The following CFAP96 variants were observed in gnomAD, a reference collection of about 807,000 sequenced individuals.
The protein encoded by CFAP96 is cilia and flagella associated protein 96, also known as cilia-and flagella-associated protein 96.
At chr4:185,440,925 A>G in the CFAP96 span, among the ~76,000 whole-genome samples, 3 of 135,886 alleles carry the variant, frequency 2.2e-5, no homozygotes, top group African/African-American at 7.9e-5. Flanking sequence ...TGAAGTAATT[A>G]TTAGTCTCTT....
the CFAP96 span, chr4:185,445,659 C>T: frequency 1.7e-6 from 1 of 601,096 alleles, no homozygotes; most frequent in Admixed American, 3.4e-5. Flanking sequence ...GTTTTGCATA[C>T]TCTCAAAACT....
the CFAP96 span, among the ~76,000 whole-genome samples, chr4:185,438,837 G>A: frequency 0.85 from 129,251 of 152,150 alleles, 55,818 homozygotes; most frequent in East Asian, 0.99. Context: ...TAGGTACTCC[G>A]TCCGATGCCC....
At chr4:185,435,992 A>C in the CFAP96 span, 1,703 of 1,370,520 alleles carry the variant, frequency 1.2e-3, 16 homozygotes, top group African/African-American at 0.022. Flanking sequence ...AAATAGACTT[A>C]AACTTTGCCA....
At chr4:185,410,729 GAGGTC>G in the CFAP96 span, among the ~76,000 whole-genome samples, 1 of 150,938 alleles carries the variant, frequency 6.6e-6, no homozygotes, top group Admixed American at 6.6e-5. Context: ...GGCAGATCAC[GAGGTC>G]AGGAGTTTGA....
the CFAP96 span, among the ~76,000 whole-genome samples, chr4:185,435,277 T>C: frequency 1.3e-5 from 2 of 152,228 alleles, no homozygotes; most frequent in African/African-American, 4.8e-5. Context: ...GCAATCGGTG[T>C]TGATGTCTTT....
At chr4:185,408,561 C>G in the CFAP96 span, 1 of 980,418 alleles carries the variant, frequency 1.0e-6, no homozygotes. Context: ...TATAAAAATG[C>G]CTTCACAGAT....
At chr4:185,428,711 A>G in the CFAP96 span, among the ~76,000 whole-genome samples, 2 of 152,232 alleles carry the variant, frequency 1.3e-5, no homozygotes, top group African/African-American at 4.8e-5. Flanking sequence ...CCTGTTAACA[A>G]ATACTCAGAA....
At chr4:185,415,066 T>C in the CFAP96 span, 1 of 1,117,212 alleles carries the variant, frequency 9.0e-7, no homozygotes, top group South Asian at 1.6e-5. Context: ...AATCACAAAA[T>C]ACCTTCCATT....
the CFAP96 span, chr4:185,422,522 TC>T: frequency 6.2e-7 from 1 of 1,611,552 alleles, no homozygotes; most frequent in Non-Finnish European, 8.5e-7. Flanking sequence ...AATCAAGGCC[TC>T]CTCTTATTCT....
the CFAP96 span, chr4:185,445,026 G>A: frequency 6.4e-7 from 1 of 1,551,530 alleles, no homozygotes; most frequent in Non-Finnish European, 8.7e-7. Context: ...ACCCTTATGT[G>A]GCTAAATTGG....
At chr4:185,429,590 A>G in the CFAP96 span, 2 of 808,832 alleles carry the variant, frequency 2.5e-6, no homozygotes, top group South Asian at 3.7e-5. Flanking sequence ...TTTAAGTCAA[A>G]TGATTTTTTA....
At chr4:185,422,807 TG>T in the CFAP96 span, among the ~76,000 whole-genome samples, 1 of 152,210 alleles carries the variant, frequency 6.6e-6, no homozygotes, top group African/African-American at 2.4e-5. Flanking sequence ...TACTGAGGCC[TG>T]GGCTGTACCC....
the CFAP96 span, among the ~76,000 whole-genome samples, chr4:185,443,921 C>CTTTTTTTTTTTTTTTTTTT: frequency 2.4e-5 from 2 of 82,856 alleles, no homozygotes; most frequent in Non-Finnish European, 4.8e-5. Flanking sequence ...CTATATCTTT[C>CTTTTTTTTTTTTTTTTTTT]TTTTTTTTTT....
chr4:185,415,310 G>A, the CFAP96 span: 1 of 1,598,966 alleles, frequency 6.3e-7, no homozygotes, highest in South Asian at 1.1e-5. Context: ...ATGTCAGTTA[G>A]TTGATTATGA....
At chr4:185,431,132 C>G in the CFAP96 span, among the ~76,000 whole-genome samples, 1 of 150,324 alleles carries the variant, frequency 6.7e-6, no homozygotes, top group Admixed American at 6.7e-5. Flanking sequence ...ATCGCTTGAA[C>G]CTGGGAGGTG....
chr4:185,418,485 T>G, the CFAP96 span: 1 of 1,612,150 alleles, frequency 6.2e-7, no homozygotes, highest in Non-Finnish European at 8.5e-7. Flanking sequence ...AATTTTCTTT[T>G]TATATCTTCT....
the CFAP96 span, among the ~76,000 whole-genome samples, chr4:185,447,371 G>A: frequency 2.6e-5 from 4 of 151,954 alleles, no homozygotes; most frequent in South Asian, 2.1e-4. Flanking sequence ...TAGTAGAGAC[G>A]GGGTTTCACT....
At chr4:185,427,709 G>A in the CFAP96 span, among the ~76,000 whole-genome samples, 2 of 151,092 alleles carry the variant, frequency 1.3e-5, 1 homozygote, top group Non-Finnish European at 3.0e-5. Flanking sequence ...GCAGTGAGCT[G>A]AGATAGCGCC....
At chr4:185,411,020 CAATA>C in the CFAP96 span, among the ~76,000 whole-genome samples, 2 of 144,198 alleles carry the variant, frequency 1.4e-5, no homozygotes, top group African/African-American at 5.1e-5. Context: ...AGAAGAAAGA[CAATA>C]AATCAAAGAA....
Sources: gnomAD v4.1 joint callset for allele counts (sites outside exome capture counted in the v4.1 genomes callset) on GRCh38, gnomAD v4.1.1 for gene constraint, MANE v1.5 for transcripts, NCBI Gene and HGNC (gene_info 2026-07-23, HGNC 2026-07-21) for gene names.